The following FZR1 variants were observed in gnomAD, a reference collection of about 807,000 sequenced individuals.
FZR1 encodes the protein fizzy and cell division cycle 20 related 1.
Under a neutral mutation model 63.6 loss-of-function variants are expected in FZR1, and 11 were observed. That is an observed-to-expected ratio of 0.17 (90% CI 0.11 to 0.29). FZR1 has a LOEUF of 0.29. Ranked by LOEUF, FZR1 falls within the 10% of genes least tolerant of loss-of-function variation. The pLI, the probability that FZR1 is intolerant of heterozygous loss-of-function variation, is 1.00. For missense variants in FZR1, 440 were observed against 687.5 expected (o/e 0.64, Z 4.03); for synonymous variants, 328 against 297.9 (o/e 1.10, Z -1.04).
rs1160268814 is a variant in FZR1 at position 3,535,664 on chromosome 19, A to T, written c.*828A>T. 6.6e-6 allele frequency: 1 copy of T among 152,356 alleles called. No homozygotes were observed. Among genetic ancestry groups the T allele is most frequent in the Non-Finnish European group, 1.5e-5 (1 of 68,124 alleles). The allele number at this position is 152,356 out of a possible 1,614,324, so 9.4% of individuals were successfully genotyped here. Reference sequence around the variant, plus strand: ...CACAACAGATGCCACGTCTTCGTGCATTCGCCAACACGTGCCCTCACAGGG... The same window carrying T: ...CACAACAGATGCCACGTCTTCGTGCTTTCGCCAACACGTGCCCTCACAGGG... On this transcript the variant is annotated 3_prime_UTR_variant, in exon 14 of 14. Transcript: ENST00000441788.
rs961127620 is a variant in FZR1, at chr19:3,534,967, C to T, written c.*131C>T. ...CGGCTGGGCGGGCGGGGAGCTGGGC[C>T]TGGAGGATCCTGGAGTCTCATTAAA... On this transcript the variant is annotated 3_prime_UTR_variant, in exon 14 of 14. Coordinates refer to ENST00000441788, the MANE Select transcript of FZR1 (RefSeq NM_016263.4). 1.0e-5 allele frequency: 7 copies of T among 694,404 alleles called. No individual in the cohort carries two copies. The Admixed American group carries it at 1.3e-4, about 13-fold the overall frequency. 43.0% of individuals were successfully genotyped at this position (694,404 alleles called of 1,614,324 possible). A position where few individuals can be genotyped will look rare whatever the true frequency, so the allele number is the denominator to read the frequency against.
At chr19:3,508,732 T>C (rs980491492) in intron 1 of FZR1, among the ~76,000 whole-genome samples, 2 of 152,198 alleles carry the variant, frequency 1.3e-5, no homozygotes, top group African/African-American at 4.8e-5. Context: ...GCGCTGTCAC[T>C]CCTTTCTCCT....
At position 3,530,399 on chromosome 19, in the gene FZR1, G is replaced by GATGGGAGAGCGCATGGGAGAGCGC. The variant is rs1253718396; in HGVS notation, c.655-381_655-358dup. 6.2e-5 allele frequency among the ~76,000 whole-genome samples: 8 copies of GATGGGAGAGCGCATGGGAGAGCGC among 128,292 alleles called. 1 individual carries two copies. The highest frequency in any genetic ancestry group is 1.5e-4 in the Admixed American group (2 of 13,178). The allele number at this position is 128,292 out of a possible 152,430, so 84.2% of individuals were successfully genotyped here. ...GGATGGGTGAGCAGATGGGTGAGCG[G>GATGGGAGAGCGCATGGGAGAGCGC]ATGGGAGAGCGCATGGGAGAGCGCA... is the stretch of plus-strand genomic sequence containing the variant. On this transcript the variant is annotated intron_variant, in intron 7 of 13. Coordinates refer to ENST00000441788, the MANE Select transcript of FZR1 (RefSeq NM_016263.4).
At chr19:3,530,717 G>C in intron 7 of FZR1, 75 bp from the exon 8 acceptor site, 1 of 1,069,218 alleles carries the variant, frequency 9.4e-7, no homozygotes, top group Non-Finnish European at 1.4e-6. Flanking sequence ...TGAGACAGTG[G>C]AGGGATGAAT....
Position 3,531,955 on chromosome 19 carries a change from G to A in FZR1, c.868G>A (p.Asp290Asn), listed in dbSNP as rs1599792903. The change falls in exon 10 of 14, where the codon GAC becomes AAC. Residue 290 changes from aspartate to asparagine, a missense_variant. Coordinates refer to ENST00000441788, the MANE Select transcript of FZR1 (RefSeq NM_016263.4). The part of the protein sequence containing the change: ...NAEQLSSGSR[D>N]RMILQRDIRT... ...TGAGCAGCTGTCGTCCGGGAGCCGC[G>A]ACCGCATGATCCTGCAGAGGGACAT... The A allele has an allele frequency of 6.3e-7, 1 of 1,587,642 alleles. No individual in the cohort carries two copies.
rs988245792 is a variant in FZR1, at chr19:3,535,248, G to A, written c.*412G>A. 1 of 171,982 alleles carries A rather than the reference G, an allele frequency of 5.8e-6. No individual in the cohort carries two copies. Among genetic ancestry groups the A allele is most frequent in the Non-Finnish European group, 1.2e-5 (1 of 86,620 alleles). 10.7% of individuals were successfully genotyped at this position (171,982 alleles called of 1,614,324 possible). A position where few individuals can be genotyped will look rare whatever the true frequency, so the allele number is the denominator to read the frequency against. On this transcript the variant is annotated 3_prime_UTR_variant, in exon 14 of 14. Transcript: ENST00000441788. ...CACAGAACAGACCACCAGACGCCAG[G>A]GCTGATTGGTGGGGGCCTGAGACCC...
At chr19:3,509,515 T>C (rs2083009717) in intron 1 of FZR1, among the ~76,000 whole-genome samples, 2 of 152,348 alleles carry the variant, frequency 1.3e-5, no homozygotes, top group Non-Finnish European at 1.5e-5. Flanking sequence ...TTCACTGCTT[T>C]AGAGCGTGCA....
chr19:3,530,816 G>T lies in FZR1; in HGVS notation c.679G>T (p.Val227Leu). 1 of 1,613,258 alleles carries T rather than the reference G, an allele frequency of 6.2e-7. No homozygotes were observed. Among genetic ancestry groups the T allele is most frequent in the Non-Finnish European group, 8.5e-7 (1 of 1,179,760 alleles). Reference sequence around the variant, plus strand: ...GGTGACGCGGCTCTGTGACCTCTCAGTGGAAGGGGACTCAGTGACCTCCGT... The same window carrying T: ...GGTGACGCGGCTCTGTGACCTCTCATTGGAAGGGGACTCAGTGACCTCCGT... ...SQVTRLCDLS[V>L]EGDSVTSVGW... Residue 227 changes from valine (V) to leucine (L), a missense_variant, in exon 8 of 14, where the codon GTG (valine) becomes TTG (leucine). Coordinates refer to ENST00000441788, the MANE Select transcript of FZR1 (RefSeq NM_016263.4).
chr19:3,528,826 G>A (rs1479369445), intron 7 of FZR1, among the ~76,000 whole-genome samples: 2 of 132,796 alleles, frequency 1.5e-5, no homozygotes, highest in Non-Finnish European at 3.3e-5. Flanking sequence ...TGAGTGGATG[G>A]GAGAATGGAT....
At chr19:3,518,415 G>C (rs1263306471) in intron 1 of FZR1, among the ~76,000 whole-genome samples, 2 of 152,184 alleles carry the variant, frequency 1.3e-5, no homozygotes, top group Non-Finnish European at 2.9e-5. Context: ...TCCATTGTTG[G>C]AGAAGGCCTA....
At chr19:3,508,923 C>T (rs1405222699) in intron 1 of FZR1, among the ~76,000 whole-genome samples, 1 of 152,224 alleles carries the variant, frequency 6.6e-6, no homozygotes, top group Admixed American at 6.5e-5. Context: ...GGTCCCCGCT[C>T]CGCCTCCGGC....
chr19:3,522,967 C>T lies in FZR1; in HGVS notation c.-23C>T, dbSNP rs376289661. ...CCTTCCCGCTGCAGGCTAACCTTGC[C>T]GCGGGCCGAGCCCTGCCTCGCCATG... On this transcript the variant is annotated 5_prime_UTR_variant, in exon 2 of 14. Coordinates refer to ENST00000441788, the MANE Select transcript of FZR1 (RefSeq NM_016263.4). The T allele has an allele frequency of 3.5e-5, 55 of 1,585,580 alleles. No individual in the cohort carries two copies. The highest frequency in any genetic ancestry group is 4.5e-5 in the Non-Finnish European group (52 of 1,155,186).
chr19:3,508,840 G>T (rs1451318708), intron 1 of FZR1, among the ~76,000 whole-genome samples: 1 of 152,142 alleles, frequency 6.6e-6, no homozygotes, highest in Non-Finnish European at 1.5e-5. Context: ...GCCCAGAACG[G>T]CCCAGTACAG....
chr19:3,528,545 T>G (rs953690674), intron 7 of FZR1, among the ~76,000 whole-genome samples: 1 of 152,100 alleles, frequency 6.6e-6, no homozygotes, highest in African/African-American at 2.4e-5. Flanking sequence ...CCTGTATGTG[T>G]GTGGCAGGCT....
In FZR1 at chr19:3,533,144, C is replaced by T. The variant is rs1202714441; in HGVS notation, c.1243-150C>T. On this transcript the variant is annotated intron_variant, in intron 11 of 13. Coordinates refer to ENST00000441788, the MANE Select transcript of FZR1 (RefSeq NM_016263.4). This position sits in a 1 kb window ranked among gnomAD's most constrained non-coding sequence, Gnocchi z 4.9. ...ACACCTCCTAGACAGACTCAGGTGG[C>T]AGAGCCACATCCCAGCATCCCCTGC... is the stretch of plus-strand genomic sequence containing the variant. 3 of 642,794 alleles carry T rather than the reference C, an allele frequency of 4.7e-6. No homozygotes were observed. The highest frequency in any genetic ancestry group is 3.6e-5 in the African/African-American group (2 of 55,674). 39.8% of individuals were successfully genotyped at this position (642,794 alleles called of 1,614,324 possible). A position where few individuals can be genotyped will look rare whatever the true frequency, so the allele number is the denominator to read the frequency against.
At chr19:3,510,794 C>T (rs753546407) in intron 1 of FZR1, among the ~76,000 whole-genome samples, 2 of 152,344 alleles carry the variant, frequency 1.3e-5, no homozygotes, top group African/African-American at 2.4e-5. Context: ...GGCAACACCT[C>T]GGGACATCTG....
intron 12 of FZR1, 36 bp from the exon 13 acceptor site, chr19:3,534,385 G>T (rs1377162716): frequency 1.7e-6 from 2 of 1,208,224 alleles, no homozygotes. Context: ...GCACCTAGAG[G>T]CCCAGAGACA....
intron 7 of FZR1, among the ~76,000 whole-genome samples, chr19:3,530,437 TGGGAGAGCGCATGG>T (rs2083233854): frequency 7.9e-6 from 1 of 126,516 alleles, no homozygotes; most frequent in Non-Finnish European, 1.7e-5. Flanking sequence ...GGAGAGCGGA[TGGGAGAGCGCATGG>T]GAGAGCGCAT....
Position 3,514,407 on chromosome 19 carries a change from G to A in FZR1, c.-35+7933G>A, listed in dbSNP as rs192962502. Reference sequence around the variant, plus strand: ...CCGGATCGTTCTCTGGGGTGCGGCCGTCCTGGGCACTACAGGGTGCTGAGC... The same window carrying A: ...CCGGATCGTTCTCTGGGGTGCGGCCATCCTGGGCACTACAGGGTGCTGAGC... On this transcript the variant is annotated intron_variant, in intron 1 of 13. Coordinates refer to ENST00000441788, the MANE Select transcript of FZR1 (RefSeq NM_016263.4). This position sits in a 1 kb window ranked among gnomAD's most constrained non-coding sequence, Gnocchi z 4.2. Among the ~76,000 whole-genome samples, 18 of 152,272 alleles carry A rather than the reference G, an allele frequency of 1.2e-4. No individual in the cohort carries two copies. Among genetic ancestry groups the A allele is most frequent in the Admixed American group, 8.5e-4 (13 of 15,298 alleles).
Sources: allele counts gnomAD v4.1 joint callset (sites outside exome capture counted in the v4.1 genomes callset), GRCh38; gene constraint gnomAD v4.1.1; non-coding constraint Gnocchi (gnomAD v3.1); transcripts MANE v1.5; gene names NCBI Gene and HGNC (gene_info 2026-07-23, HGNC 2026-07-21).